The following LANCL1 variants were observed in gnomAD, a reference collection of about 807,000 sequenced individuals.
LANCL1 encodes the protein glutathione S-transferase LANCL1.
LANCL1 carries 50 observed loss-of-function variants against 50.6 expected under a neutral mutation model. The observed-to-expected ratio is 0.99, with a 90% CI of 0.79 to 1.25. The LOEUF is 1.25. LANCL1 is among the 50% of genes most tolerant of loss of function. LANCL1 has a pLI of 0.00. For missense variants in LANCL1, 532 were observed against 480.7 expected (o/e 1.11, Z -1.00); for synonymous variants, 188 against 178.6 (o/e 1.05, Z -0.42).
At chr2:210,439,411 G>C (rs754901745) in intron 6 of LANCL1, among the ~76,000 whole-genome samples, 2 of 152,132 alleles carry the variant, frequency 1.3e-5, no homozygotes. Flanking sequence ...TTTCGATAAG[G>C]CTGTCTAATC....
At chr2:210,466,352 G>C (rs1694058129) in intron 3 of LANCL1, among the ~76,000 whole-genome samples, 1 of 152,144 alleles carries the variant, frequency 6.6e-6, no homozygotes, top group African/African-American at 2.4e-5. Flanking sequence ...GGAGTACACT[G>C]TGGAGATAAA....
chr2:210,441,385 T>G lies in LANCL1; in HGVS notation c.466A>C (p.Ile156Leu), dbSNP rs766344149. 1.2e-6 allele frequency: 2 copies of G among 1,613,018 alleles called. No homozygotes were observed. The change falls in exon 5 of 10, where the codon ATA becomes CTA. Residue 156 changes from isoleucine (I) to leucine (L), a missense_variant. Physicochemically the swap from Ile to Leu is conservative, Grantham distance 5. Transcript: ENST00000450366. ...HAPNEMLYGR[I>L]GYIYALLFVN... ...AAAAGAAGAGCATAGATGTAGCCTA[T>G]TCGCCCATAGAGCATTTCATTTGGA...
intron 3 of LANCL1, among the ~76,000 whole-genome samples, chr2:210,461,329 T>C (rs1039738510): frequency 1.3e-5 from 2 of 151,858 alleles, no homozygotes; most frequent in African/African-American, 4.8e-5. Context: ...GTGCATCTAA[T>C]GAAGGTGAAG....
intron 3 of LANCL1, among the ~76,000 whole-genome samples, chr2:210,461,640 T>C (rs912236721): frequency 6.6e-6 from 1 of 152,186 alleles, no homozygotes; most frequent in Non-Finnish European, 1.5e-5. Flanking sequence ...TTATCTAATA[T>C]TTGAAAAGAG....
intron 9 of LANCL1, among the ~76,000 whole-genome samples, 183 bp from the exon 10 acceptor site, chr2:210,434,746 C>T (rs1044567267): frequency 2.0e-5 from 3 of 152,036 alleles, no homozygotes; most frequent in Admixed American, 6.6e-5. Flanking sequence ...GGATCAAGGC[C>T]GCACTGGAGG....
chr2:210,471,886 C>G, intron 3 of LANCL1, 73 bp downstream of exon 3: 1 of 1,044,262 alleles, frequency 9.6e-7, no homozygotes, highest in South Asian at 1.3e-5. Flanking sequence ...ACCATTCAGA[C>G]AGACAGCTCT....
At chr2:210,450,050 A>G (rs1367339618) in intron 4 of LANCL1, among the ~76,000 whole-genome samples, 1 of 152,340 alleles carries the variant, frequency 6.6e-6, no homozygotes, top group East Asian at 1.9e-4. Context: ...TCTTAAGCAA[A>G]AAGAACAAGG....
chr2:210,443,934 G>A (rs1048017438), intron 4 of LANCL1, among the ~76,000 whole-genome samples: 1 of 152,200 alleles, frequency 6.6e-6, no homozygotes. Context: ...GATGGTACGG[G>A]CTTTCCCACT....
chr2:210,459,802 T>C (rs1422576667), intron 3 of LANCL1, among the ~76,000 whole-genome samples: 1 of 151,194 alleles, frequency 6.6e-6, no homozygotes, highest in Non-Finnish European at 1.5e-5. Flanking sequence ...AAAATTCCTG[T>C]TGTAATAGGA....
chr2:210,475,444 G>T (rs1207293110), intron 2 of LANCL1, among the ~76,000 whole-genome samples: 1 of 151,944 alleles, frequency 6.6e-6, no homozygotes, highest in Non-Finnish European at 1.5e-5. Context: ...CAATTCTCCC[G>T]CCTCAGCCTC....
chr2:210,452,473 T>C (rs1212131828), intron 4 of LANCL1, among the ~76,000 whole-genome samples: 1 of 152,074 alleles, frequency 6.6e-6, no homozygotes, highest in Non-Finnish European at 1.5e-5. Context: ...TAGAACAAAT[T>C]AATGCAATGT....
chr2:210,466,073 C>CA (rs1198204192), intron 3 of LANCL1, among the ~76,000 whole-genome samples: 1 of 152,196 alleles, frequency 6.6e-6, no homozygotes, highest in African/African-American at 2.4e-5. Context: ...AAAGCTTGGA[C>CA]AACAAGAACC....
At chr2:210,447,263 G>C (rs879411964) in intron 4 of LANCL1, among the ~76,000 whole-genome samples, 7 of 152,088 alleles carry the variant, frequency 4.6e-5, no homozygotes, top group Admixed American at 2.0e-4. Context: ...CATAAGCAAA[G>C]GAGAAATGGA....
At chr2:210,458,402 A>T (rs767942280) in intron 3 of LANCL1, among the ~76,000 whole-genome samples, 1 of 152,148 alleles carries the variant, frequency 6.6e-6, no homozygotes, top group Non-Finnish European at 1.5e-5. Flanking sequence ...AAATGCACCC[A>T]TTTTAAGCGT....
intron 3 of LANCL1, among the ~76,000 whole-genome samples, chr2:210,457,896 T>C (rs928879930): frequency 2.0e-5 from 3 of 152,176 alleles, no homozygotes; most frequent in African/African-American, 7.2e-5. Context: ...ATGCCCTGGA[T>C]TTTAGCTGGG....
chr2:210,477,573 C>G, upstream of LANCL1: 3 of 1,398,268 alleles, frequency 2.1e-6, no homozygotes, highest in Non-Finnish European at 2.8e-6. Flanking sequence ...AGACCTCCAA[C>G]TGGAGAAGCT....
At chr2:210,465,857 G>T (rs191217150) in intron 3 of LANCL1, among the ~76,000 whole-genome samples, 2 of 152,168 alleles carry the variant, frequency 1.3e-5, no homozygotes, top group Non-Finnish European at 2.9e-5. Context: ...CCTATTCTGG[G>T]GGGGGAAAAG....
Position 210,476,344 on chromosome 2 carries a change from G to A in LANCL1, c.53C>T (p.Ala18Val), listed in dbSNP as rs1694371715. Residue 18 changes from alanine (A) to valine (V), a missense_variant, in exon 2 of 10, where the codon GCC (alanine) becomes GTC (valine). Ala to Val is a moderately conservative substitution (Grantham distance 64). Transcript: ENST00000450366. ...CCCGGCAGCATCAAAGTAGCCTTCG[G>A]CCAGGGATTTGTTATAATCAGCATA... ...NPYADYNKSL[A>V]EGYFDAAGRL... The A allele has an allele frequency of 1.9e-6, 3 of 1,613,910 alleles. No homozygotes were observed. The highest frequency in any genetic ancestry group is 3.3e-5 in the Admixed American group (2 of 59,998).
intron 5 of LANCL1, 51 bp from the exon 6 acceptor site, chr2:210,440,795 C>T (rs374109394): frequency 2.6e-6 from 4 of 1,558,398 alleles, no homozygotes; most frequent in Non-Finnish European, 3.5e-6. Flanking sequence ...CAAAAATCTT[C>T]CTGGAGGAGG....
Sources: gnomAD v4.1 joint callset for allele counts (sites outside exome capture counted in the v4.1 genomes callset) on GRCh38, gnomAD v4.1.1 for gene constraint, MANE v1.5 for transcripts, NCBI Gene and HGNC (gene_info 2026-07-23, HGNC 2026-07-21) for gene names.